The following FUT8 variants were observed in gnomAD, a reference collection of about 807,000 sequenced individuals.
FUT8 encodes the protein fucosyltransferase 8.
FUT8 carries 29 observed loss-of-function variants against 71.3 expected under a neutral mutation model. The ratio of observed to expected loss-of-function variants is 0.41; its 90% CI spans 0.30 to 0.55. The LOEUF (loss-of-function observed/expected upper bound fraction) is 0.55. Ranked by LOEUF, FUT8 falls within the 20% of genes least tolerant of loss-of-function variation. The pLI, the probability that FUT8 is intolerant of heterozygous loss-of-function variation, is 0.34. For synonymous variants in FUT8, 254 were observed against 239.3 expected (o/e 1.06, Z -0.57); for missense variants, 544 against 702.1 (o/e 0.77, Z 2.55).
In FUT8 at chr14:65,442,292, C is replaced by T. The variant is rs141090590; in HGVS notation, c.-325-13329C>T. On this transcript the variant is annotated intron_variant, in intron 1 of 10. Transcript: ENST00000673929. ...CCGGGTTCAAGTGATTCTCCTGCCT[C>T]AGCCTCCTGAGTAGCTGGGATTACA... is the stretch of plus-strand genomic sequence containing the variant. Among the ~76,000 whole-genome samples, 422 of 151,832 alleles carry T rather than the reference C, an allele frequency of 2.8e-3. 4 individuals carry two copies. The highest frequency in any genetic ancestry group is 9.6e-3 in the African/African-American group (399 of 41,398).
chr14:65,671,610 A>AAT (rs1892483987), intron 7 of FUT8, among the ~76,000 whole-genome samples: 1 of 152,216 alleles, frequency 6.6e-6, no homozygotes, highest in Non-Finnish European at 1.5e-5. Flanking sequence ...ATCTACCATC[A>AAT]TTACTAGAAG....
rs1895429164 is a variant in FUT8, at chr14:65,721,824, C to T, written c.885C>T (p.Asp295=). Residue 295 remains aspartate (D), a synonymous_variant, in exon 8 of 11, where the codon GAC becomes GAT. Coordinates refer to ENST00000673929, the MANE Select transcript of FUT8 (RefSeq NM_001371533.1). ...NVQVVELPIV[D]SLHPRPPYLP... ...AAGTGGTCGAGCTTCCCATTGTAGACAGTCTTCATCCCCGTCCTCCATATT... is the reference window on the plus strand; with the variant it reads ...AAGTGGTCGAGCTTCCCATTGTAGATAGTCTTCATCCCCGTCCTCCATATT... 1 of 1,614,150 alleles carries T rather than the reference C, an allele frequency of 6.2e-7. No homozygotes were observed.
In FUT8 at chr14:65,413,446, C is replaced by T. The variant is rs547824315; in HGVS notation, c.-326+232C>T. On this transcript the variant is annotated intron_variant, in intron 1 of 10. Coordinates refer to ENST00000673929, the MANE Select transcript of FUT8 (RefSeq NM_001371533.1). This position sits in a 1 kb window ranked among gnomAD's most constrained non-coding sequence, Gnocchi z 4.1. ...GCGCGGGCAGAGGGTGAGGGGCGCC[C>T]GCCTCTCCAGCCGGGACGCGGAGCT... 1.1e-3 allele frequency among the ~76,000 whole-genome samples: 171 copies of T among 152,082 alleles called. No homozygotes were observed. Among genetic ancestry groups the T allele is most frequent in the African/African-American group, 3.8e-3 (156 of 41,410 alleles).
At chr14:65,559,476 C>A (rs1885786581) in intron 2 of FUT8, among the ~76,000 whole-genome samples, 1 of 152,028 alleles carries the variant, frequency 6.6e-6, no homozygotes, top group Non-Finnish European at 1.5e-5. Context: ...ATGTAAGAAA[C>A]CCGAACATCT....
intron 3 of FUT8, among the ~76,000 whole-genome samples, chr14:65,586,999 T>G (rs2140129133): frequency 6.6e-6 from 1 of 152,084 alleles, no homozygotes; most frequent in Non-Finnish European, 1.5e-5. Context: ...CCATCCTGGC[T>G]AACACGGTGA....
chr14:65,500,698 A>G (rs1196825933), intron 2 of FUT8, among the ~76,000 whole-genome samples: 2 of 152,120 alleles, frequency 1.3e-5, no homozygotes, highest in African/African-American at 2.4e-5. Context: ...GACTTTCCCT[A>G]ATTTCTCAAT....
chr14:65,659,193 TG>T (rs769602389), intron 6 of FUT8, among the ~76,000 whole-genome samples: 6 of 151,292 alleles, frequency 4.0e-5, no homozygotes, highest in African/African-American at 7.4e-5. Context: ...TTTTTTGTTT[TG>T]TTTTTTTTTC....
At chr14:65,534,659 G>C (rs1884174832) in intron 2 of FUT8, among the ~76,000 whole-genome samples, 2 of 151,114 alleles carry the variant, frequency 1.3e-5, no homozygotes, top group Admixed American at 1.3e-4. Flanking sequence ...ATGGGAGGGT[G>C]TATGTGTTCA....
At chr14:65,557,269 T>G (rs980504499) in intron 2 of FUT8, among the ~76,000 whole-genome samples, 1 of 151,892 alleles carries the variant, frequency 6.6e-6, no homozygotes, top group Non-Finnish European at 1.5e-5. Flanking sequence ...TTTAAATACC[T>G]TAGTACCTTA....
intron 2 of FUT8, among the ~76,000 whole-genome samples, chr14:65,559,193 G>A (rs1566821886): frequency 1.3e-5 from 2 of 151,802 alleles, no homozygotes; most frequent in African/African-American, 4.9e-5. Flanking sequence ...CTTTGCTTTG[G>A]TTGTTTATCT....
At chr14:65,380,903 T>C in the FUT8 span, among the ~76,000 whole-genome samples, 5 of 152,244 alleles carry the variant, frequency 3.3e-5, no homozygotes, top group Admixed American at 3.3e-4. Flanking sequence ...TCTAGCTTGC[T>C]GGTCTGGTTG....
chr14:65,644,461 G>A (rs961267316), intron 6 of FUT8, among the ~76,000 whole-genome samples: 2 of 151,816 alleles, frequency 1.3e-5, no homozygotes, highest in East Asian at 1.9e-4. Context: ...CCGGGTTCAC[G>A]CCATTCTCCT....
intron 1 of FUT8, among the ~76,000 whole-genome samples, chr14:65,445,512 A>C (rs1289380713): frequency 6.6e-6 from 1 of 152,194 alleles, no homozygotes; most frequent in Non-Finnish European, 1.5e-5. Flanking sequence ...TTTTGGGGTG[A>C]TAGAACTGTT....
intron 9 of FUT8, among the ~76,000 whole-genome samples, chr14:65,727,410 G>A (rs1413301737): frequency 2.0e-5 from 3 of 152,148 alleles, no homozygotes; most frequent in Admixed American, 6.5e-5. Context: ...CCTGACTTCT[G>A]TGCGCTCACA....
chr14:65,552,316 T>A (rs1302662648), intron 2 of FUT8, among the ~76,000 whole-genome samples: 1 of 152,130 alleles, frequency 6.6e-6, no homozygotes, highest in Non-Finnish European at 1.5e-5. Flanking sequence ...AGGCAGGGAT[T>A]TGTGTCTGTC....
intron 2 of FUT8, among the ~76,000 whole-genome samples, chr14:65,505,659 A>G (rs2139790961): frequency 6.6e-6 from 1 of 152,156 alleles, no homozygotes; most frequent in East Asian, 1.9e-4. Flanking sequence ...CAGGAATTTG[A>G]GGTTTCAGGA....
chr14:65,587,601 G>T (rs1434308619), intron 3 of FUT8, among the ~76,000 whole-genome samples: 2 of 152,160 alleles, frequency 1.3e-5, no homozygotes, highest in Non-Finnish European at 2.9e-5. Flanking sequence ...AAATTATATT[G>T]TCTAGGTAAC....
chr14:65,735,788 C>G (rs964872141), intron 10 of FUT8, among the ~76,000 whole-genome samples: 1 of 152,084 alleles, frequency 6.6e-6, no homozygotes, highest in South Asian at 2.1e-4. Flanking sequence ...TTTGAGCTTA[C>G]TTGCACCTCA....
rs1566780438 is a variant in FUT8, at chr14:65,489,237, T to C, written c.-228+33519T>C. On this transcript the variant is annotated intron_variant, in intron 2 of 10. Transcript: ENST00000673929. The surrounding 1 kb of genome is among the most constrained non-coding windows in gnomAD (Gnocchi z 4.0). ...TAAACGGTCACTGGCAAGAACCTTT[T>C]CTTTGTAACATGTTACTTTGTTCCC... 6.6e-6 allele frequency among the ~76,000 whole-genome samples: 1 copy of C among 152,166 alleles called. No homozygotes were observed. The highest frequency in any genetic ancestry group is 1.5e-5 in the Non-Finnish European group (1 of 68,002).
Sources: gnomAD v4.1 joint callset for allele counts (sites outside exome capture counted in the v4.1 genomes callset) on GRCh38, gnomAD v4.1.1 for gene constraint, Gnocchi (gnomAD v3.1) non-coding constraint, MANE v1.5 for transcripts, NCBI Gene and HGNC (gene_info 2026-07-23, HGNC 2026-07-21) for gene names.